ULK4: variants seen among roughly 807,000 people sequenced by gnomAD.
ULK4 encodes the protein inactive serine/threonine-protein kinase ULK4.
ULK4 carries 133 observed loss-of-function variants against 160.6 expected under a neutral mutation model. The observed-to-expected ratio is 0.83, with a 90% CI of 0.72 to 0.96. The LOEUF (loss-of-function observed/expected upper bound fraction) is 0.96. Among genes scored for constraint, ULK4 ranks in the 40% least tolerant of loss-of-function variants. The probability of loss-of-function intolerance (pLI) is 0.00; values close to 1 mark genes in which losing one functional copy is unlikely to be tolerated. For missense variants in ULK4, 1,580 were observed against 1,499.5 expected, an observed-to-expected ratio of 1.05 and a Z score of -0.89; for synonymous variants, 534 against 539.8, an observed-to-expected ratio of 0.99 and a Z score of 0.15.
At chr3:41,428,963 AACAG>A (rs949703751) in intron 34 of ULK4, among the ~76,000 whole-genome samples, 17 of 152,172 alleles carry the variant, frequency 1.1e-4, no homozygotes, top group Admixed American at 3.3e-4. Context: ...CATCAGAGTG[AACAG>A]ACAACCTACA....
intron 35 of ULK4, among the ~76,000 whole-genome samples, chr3:41,313,656 TA>T (rs1465266375): frequency 6.6e-6 from 1 of 152,220 alleles, no homozygotes; most frequent in Admixed American, 6.5e-5. Flanking sequence ...TCTTTAATGA[TA>T]AAAATTTATC....
At chr3:41,490,889 T>C (rs1428613394) in intron 32 of ULK4, among the ~76,000 whole-genome samples, 1 of 152,154 alleles carries the variant, frequency 6.6e-6, no homozygotes, top group East Asian at 1.9e-4. Flanking sequence ...ACGCTCTCAG[T>C]AGCTGACACC....
intron 31 of ULK4, among the ~76,000 whole-genome samples, chr3:41,590,357 T>C (rs2031195344): frequency 6.7e-6 from 1 of 149,536 alleles, no homozygotes. Context: ...GGCTCACACC[T>C]GTAATCCCAG....
At chr3:41,456,291 T>C (rs1442018144) in intron 33 of ULK4, among the ~76,000 whole-genome samples, 1 of 152,148 alleles carries the variant, frequency 6.6e-6, no homozygotes, top group East Asian at 1.9e-4. Context: ...TTGTCTAACA[T>C]CTCACAGTTA....
intron 35 of ULK4, among the ~76,000 whole-genome samples, chr3:41,326,855 G>T (rs1041578677): frequency 3.9e-5 from 6 of 152,136 alleles, no homozygotes; most frequent in Non-Finnish European, 8.8e-5. Context: ...CTAGCAATCA[G>T]AGGGACCCCC....
intron 19 of ULK4, among the ~76,000 whole-genome samples, chr3:41,810,226 T>C (rs6796210): frequency 0.32 from 48,028 of 152,124 alleles, 11,172 homozygotes; most frequent in African/African-American, 0.66. Context: ...ATTTCATTTG[T>C]TTTATTTCTT....
intron 34 of ULK4, among the ~76,000 whole-genome samples, chr3:41,403,311 C>T (rs1370290265): frequency 6.6e-6 from 1 of 152,028 alleles, no homozygotes; most frequent in East Asian, 1.9e-4. Flanking sequence ...TTCAAGTGTT[C>T]ATGTTGGTTG....
At chr3:41,496,560 AG>A (rs1457340960) in intron 32 of ULK4, among the ~76,000 whole-genome samples, 2 of 152,006 alleles carry the variant, frequency 1.3e-5, no homozygotes, top group African/African-American at 4.8e-5. Context: ...GAGTTTGCTG[AG>A]GGAGCGACAG....
intron 35 of ULK4, among the ~76,000 whole-genome samples, chr3:41,329,553 T>C (rs1298308924): frequency 6.6e-6 from 1 of 152,082 alleles, no homozygotes; most frequent in Admixed American, 6.6e-5. Context: ...TCTGAACTTA[T>C]TTTGTTACGT....
chr3:41,329,207 G>GC (rs1419294565), intron 35 of ULK4, among the ~76,000 whole-genome samples: 1 of 152,178 alleles, frequency 6.6e-6, no homozygotes, highest in Non-Finnish European at 1.5e-5. Context: ...CCAAGTTGCT[G>GC]CAACGTATCA....
At chr3:41,743,133 C>G (rs1332480435) in intron 22 of ULK4, among the ~76,000 whole-genome samples, 1 of 151,704 alleles carries the variant, frequency 6.6e-6, no homozygotes, top group Non-Finnish European at 1.5e-5. Flanking sequence ...GATCAAACTC[C>G]AAATAGGATT....
chr3:41,956,516 T>C (rs189002595), intron 1 of ULK4, among the ~76,000 whole-genome samples: 51 of 152,052 alleles, frequency 3.4e-4, no homozygotes, highest in Non-Finnish European at 5.9e-4. Context: ...CAACTTGCGG[T>C]CAAGACCCTC....
At chr3:41,641,449 C>A (rs1450671024) in intron 30 of ULK4, among the ~76,000 whole-genome samples, 5 of 152,178 alleles carry the variant, frequency 3.3e-5, no homozygotes, top group Non-Finnish European at 1.5e-5. Flanking sequence ...GCAATCCCAG[C>A]ACTTTGGGAG....
At chr3:41,765,883 A>C (rs1210119535) in intron 21 of ULK4, among the ~76,000 whole-genome samples, 1 of 152,218 alleles carries the variant, frequency 6.6e-6, no homozygotes, top group African/African-American at 2.4e-5. Flanking sequence ...TATGAACAAG[A>C]AACAACTGAT....
intron 35 of ULK4, among the ~76,000 whole-genome samples, chr3:41,334,375 C>T (rs961413497): frequency 2.6e-5 from 4 of 152,146 alleles, no homozygotes; most frequent in Non-Finnish European, 5.9e-5. Flanking sequence ...TCCCAAGCCT[C>T]TGCTACAAAG....
intron 32 of ULK4, among the ~76,000 whole-genome samples, chr3:41,562,625 G>C (rs971295654): frequency 2.6e-5 from 4 of 152,142 alleles, no homozygotes; most frequent in Non-Finnish European, 4.4e-5. Flanking sequence ...GGCCTTCTCT[G>C]TCTCTTTTCA....
intron 34 of ULK4, among the ~76,000 whole-genome samples, chr3:41,430,029 C>T (rs563282622): frequency 1.3e-5 from 2 of 152,254 alleles, no homozygotes; most frequent in African/African-American, 4.8e-5. Context: ...AATTTCCTTT[C>T]TGAAGAGCTC....
At chr3:41,491,277 A>G (rs2084752207) in intron 32 of ULK4, among the ~76,000 whole-genome samples, 2 of 152,156 alleles carry the variant, frequency 1.3e-5, no homozygotes, top group African/African-American at 4.8e-5. Flanking sequence ...TCAACATGTT[A>G]TTCAATCTAT....
At chr3:41,627,473 G>C (rs1324479475) in intron 30 of ULK4, among the ~76,000 whole-genome samples, 1 of 152,190 alleles carries the variant, frequency 6.6e-6, no homozygotes, top group Admixed American at 6.5e-5. Context: ...CACTGTCTTT[G>C]AGCCCCCATC....
Sources: allele counts gnomAD v4.1 joint callset (sites outside exome capture counted in the v4.1 genomes callset), GRCh38; gene constraint gnomAD v4.1.1; transcripts MANE v1.5; gene names NCBI Gene and HGNC (gene_info 2026-07-23, HGNC 2026-07-21).